Variants in MAN1C1 observed in about 807,000 individuals in gnomAD.
MAN1C1 encodes the protein mannosidase alpha class 1C member 1, also known as mannosyl-oligosaccharide 1,2-alpha-mannosidase IC.
In MAN1C1, 49 loss-of-function variants were observed where a neutral mutation model predicts 71.5. The ratio of observed to expected loss-of-function variants is 0.69; its 90% CI spans 0.54 to 0.87. MAN1C1 has a LOEUF of 0.87. Among genes scored for constraint, MAN1C1 ranks in the 40% least tolerant of loss-of-function variants. The pLI is 0.00. For missense variants in MAN1C1, 743 were observed against 835.0 expected, an observed-to-expected ratio of 0.89 and a Z score of 1.36; for synonymous variants, 352 against 343.7, an observed-to-expected ratio of 1.02 and a Z score of -0.27.
intron 1 of MAN1C1, among the ~76,000 whole-genome samples, chr1:25,678,375 A>C (rs1222149788): frequency 2.0e-5 from 3 of 152,264 alleles, no homozygotes; most frequent in Non-Finnish European, 2.9e-5. Context: ...GAGATAAAAT[A>C]TGCAAAGAGC....
Position 25,730,256 on chromosome 1 carries a change from C to T in MAN1C1, c.638-16412C>T, listed in dbSNP as rs764938322. ...CAGTTTTTGACAGTTACCCTGAAAC[C>T]GTTTTAAAATGATCTCAGAGGCAGA... is the stretch of plus-strand genomic sequence containing the variant. On this transcript the variant is annotated intron_variant, in intron 2 of 11. Coordinates refer to ENST00000374332, the MANE Select transcript of MAN1C1 (RefSeq NM_020379.4). This position sits in a 1 kb window ranked among gnomAD's most constrained non-coding sequence, Gnocchi z 4.3. 4.5e-4 allele frequency among the ~76,000 whole-genome samples: 69 copies of T among 152,266 alleles called. No homozygotes were observed. Among genetic ancestry groups the T allele is most frequent in the African/African-American group, 1.2e-3 (51 of 41,542 alleles).
intron 1 of MAN1C1, among the ~76,000 whole-genome samples, chr1:25,620,032 C>T (rs796437635): frequency 9.8e-5 from 15 of 152,300 alleles, no homozygotes; most frequent in African/African-American, 3.1e-4. Flanking sequence ...GGTCCATTTC[C>T]GAATGCCAGG....
At chr1:25,722,160 C>G (rs903453461) in intron 2 of MAN1C1, among the ~76,000 whole-genome samples, 2 of 152,184 alleles carry the variant, frequency 1.3e-5, no homozygotes, top group African/African-American at 4.8e-5. Context: ...ATTTTGATAT[C>G]TCGTCATTTG....
Position 25,746,571 on chromosome 1 carries a change from C to T in MAN1C1, c.638-97C>T, listed in dbSNP as rs916082181. 34 of 944,650 alleles carry T rather than the reference C, an allele frequency of 3.6e-5. No individual in the cohort carries two copies. Among genetic ancestry groups the T allele is most frequent in the Middle Eastern group, 2.1e-4 (1 of 4,838 alleles). The allele number at this position is 944,650 out of a possible 1,614,324, so 58.5% of individuals were successfully genotyped here. A position where few individuals can be genotyped will look rare whatever the true frequency, so the allele number is the denominator to read the frequency against. On this transcript the variant is annotated intron_variant, in intron 2 of 11. Coordinates refer to ENST00000374332, the MANE Select transcript of MAN1C1 (RefSeq NM_020379.4). The surrounding 1 kb of genome is among the most constrained non-coding windows in gnomAD (Gnocchi z 4.0). Reference sequence around the variant, plus strand: ...AGGCCAGCCTTTGCCACCAAGCCTGCGCTGGCATTGGAGGGGCCCTGAGAA... The same window carrying T: ...AGGCCAGCCTTTGCCACCAAGCCTGTGCTGGCATTGGAGGGGCCCTGAGAA...
chr1:25,642,562 GCT>G (rs1340641158), intron 1 of MAN1C1, among the ~76,000 whole-genome samples: 1 of 152,232 alleles, frequency 6.6e-6, no homozygotes, highest in Admixed American at 6.5e-5. Flanking sequence ...CCCTTGGAGA[GCT>G]CTGTTTCTAT....
In MAN1C1 at chr1:25,768,070, CACACT is replaced by C. The variant is rs746162113; in HGVS notation, c.1142-3586_1142-3582del. Among the ~76,000 whole-genome samples the C allele has an allele frequency of 8.8e-3, 329 of 37,388 alleles. 22 individuals are homozygous for C. The highest frequency in any genetic ancestry group is 0.015 in the Non-Finnish European group (287 of 18,612). The allele number at this position is 37,388 out of a possible 152,430, so 24.5% of individuals were successfully genotyped here. A position where few individuals can be genotyped will look rare whatever the true frequency, so the allele number is the denominator to read the frequency against. ...CATCCACACTCCCCTCACACACACA[CACACT>C]CCCCCCCACACACAGACCCACACAC... is the stretch of plus-strand genomic sequence containing the variant. On this transcript the variant is annotated intron_variant, in intron 7 of 11. Transcript: ENST00000374332.
intron 2 of MAN1C1, chr1:25,709,806 C>T (rs1309079174): frequency 6.6e-6 from 1 of 152,128 alleles, no homozygotes; most frequent in Non-Finnish European, 1.5e-5. Flanking sequence ...AGTGCAGTGG[C>T]ATAGTCTCGG....
intron 7 of MAN1C1, among the ~76,000 whole-genome samples, chr1:25,768,744 C>T (rs926153002): frequency 1.4e-5 from 2 of 137,988 alleles, no homozygotes; most frequent in African/African-American, 5.4e-5. Context: ...CCCTCACACA[C>T]CCACAGTCCC....
intron 1 of MAN1C1, among the ~76,000 whole-genome samples, chr1:25,647,809 G>T (rs2124765353): frequency 6.6e-6 from 1 of 152,330 alleles, no homozygotes; most frequent in East Asian, 1.9e-4. Flanking sequence ...TGGGATATGT[G>T]TGAGTTGAAT....
intron 4 of MAN1C1, among the ~76,000 whole-genome samples, chr1:25,750,879 G>A (rs899225945): frequency 6.6e-6 from 1 of 152,164 alleles, no homozygotes; most frequent in African/African-American, 2.4e-5. Flanking sequence ...AAGAGGGGAG[G>A]ACACAGCTCA....
chr1:25,751,035 C>T (rs974018716), intron 4 of MAN1C1, among the ~76,000 whole-genome samples: 2 of 150,000 alleles, frequency 1.3e-5, no homozygotes, highest in Admixed American at 6.6e-5. Flanking sequence ...TCTTTCCTTC[C>T]GTTCTTCCTT....
intron 2 of MAN1C1, among the ~76,000 whole-genome samples, chr1:25,739,822 C>T (rs917245924): frequency 2.0e-5 from 3 of 152,124 alleles, no homozygotes; most frequent in Admixed American, 6.5e-5. Context: ...CTGCTCTGGA[C>T]GTAGTCACCA....
rs180849132 is a variant in MAN1C1, at chr1:25,743,211, C to G, written c.638-3457C>G. Among the ~76,000 whole-genome samples the G allele has an allele frequency of 2.1e-3, 316 of 152,214 alleles. 1 individual carries two copies. Among genetic ancestry groups the G allele is most frequent in the African/African-American group, 6.8e-3 (284 of 41,518 alleles). ...GAACGCGGGGCTGCTGATTTCTGGG[C>G]CTGTATTATTTCTAAGACACCTCAC... is the stretch of plus-strand genomic sequence containing the variant. On this transcript the variant is annotated intron_variant, in intron 2 of 11. Transcript: ENST00000374332.
Position 25,779,723 on chromosome 1 carries a change from G to A in MAN1C1, c.1478-1217G>A, listed in dbSNP as rs1408036672. On this transcript the variant is annotated intron_variant, in intron 9 of 11. Transcript: ENST00000374332. This position sits in a 1 kb window ranked among gnomAD's most constrained non-coding sequence, Gnocchi z 4.6. ...GACTGTTTTCTGATGGCCAGGAGCC[G>A]CTACACCATTTGAAAAGGTTAGAGA... 1.2e-4 allele frequency among the ~76,000 whole-genome samples: 19 copies of A among 152,302 alleles called. No homozygotes were observed. Among genetic ancestry groups the A allele is most frequent in the East Asian group, 1.2e-3 (6 of 5,184 alleles).
chr1:25,640,442 T>G (rs1333358941), intron 1 of MAN1C1, among the ~76,000 whole-genome samples: 3 of 152,204 alleles, frequency 2.0e-5, no homozygotes, highest in African/African-American at 7.2e-5. Flanking sequence ...TAGCAAATCT[T>G]CCTCCTTTCC....
At chr1:25,713,119 G>A (rs771319867) in intron 2 of MAN1C1, among the ~76,000 whole-genome samples, 1 of 152,136 alleles carries the variant, frequency 6.6e-6, no homozygotes, top group Non-Finnish European at 1.5e-5. Context: ...TCCCATTACA[G>A]ATGGGGAAAC....
At chr1:25,718,822 T>C (rs1557778029) in intron 2 of MAN1C1, among the ~76,000 whole-genome samples, 1 of 152,328 alleles carries the variant, frequency 6.6e-6, no homozygotes, top group South Asian at 2.1e-4. Context: ...TATTTATTCA[T>C]TTATCAGTTG....
At chr1:25,715,980 C>G (rs184582104) in intron 2 of MAN1C1, among the ~76,000 whole-genome samples, 1 of 152,290 alleles carries the variant, frequency 6.6e-6, no homozygotes, top group Non-Finnish European at 1.5e-5. Flanking sequence ...TTCCACCTTA[C>G]GGTCCAAAAT....
chr1:25,752,978 T>C (rs2047236248), intron 4 of MAN1C1, among the ~76,000 whole-genome samples: 1 of 152,224 alleles, frequency 6.6e-6, no homozygotes. Flanking sequence ...CTTGACAGTC[T>C]GTCCGAACGG....
Sources: allele counts gnomAD v4.1 joint callset (sites outside exome capture counted in the v4.1 genomes callset), GRCh38; gene constraint gnomAD v4.1.1; non-coding constraint Gnocchi (gnomAD v3.1); transcripts MANE v1.5; gene names NCBI Gene and HGNC (gene_info 2026-07-23, HGNC 2026-07-21).